KAZN: variants seen among roughly 807,000 people sequenced by gnomAD.
The protein encoded by KAZN is kazrin, periplakin interacting protein, also known as kazrin.
KAZN carries 40 observed loss-of-function variants against 87.4 expected under a neutral mutation model. That is an observed-to-expected ratio of 0.46 (90% CI 0.36 to 0.60). The LOEUF is 0.60. Ranked by LOEUF, KAZN falls within the 20% of genes least tolerant of loss-of-function variation. The pLI is 0.00. For synonymous variants in KAZN, 466 were observed against 458.3 expected (o/e 1.02, Z -0.22); for missense variants, 898 against 1,073.9 (o/e 0.84, Z 2.29).
intron 1 of KAZN, among the ~76,000 whole-genome samples, chr1:14,867,155 TG>T (rs1326480011): frequency 1.3e-5 from 2 of 152,202 alleles, no homozygotes; most frequent in Non-Finnish European, 2.9e-5. Flanking sequence ...GCCCTCCCTG[TG>T]CAGGGGAGCA....
At chr1:15,085,134 T>C (rs1640187111) in intron 8 of KAZN, among the ~76,000 whole-genome samples, 1 of 151,700 alleles carries the variant, frequency 6.6e-6, no homozygotes, top group Admixed American at 6.6e-5. Flanking sequence ...ATTTTAAAAA[T>C]GGAAAAAAAG....
At chr1:14,883,289 C>G (rs1653539962) in intron 1 of KAZN, among the ~76,000 whole-genome samples, 1 of 129,738 alleles carries the variant, frequency 7.7e-6, no homozygotes, top group African/African-American at 2.8e-5. Flanking sequence ...AAGCGAAACT[C>G]CATCTCAAAA....
In KAZN at chr1:14,769,516, G is replaced by A. The variant is rs929787078; in HGVS notation, c.226+170293G>A. Among the ~76,000 whole-genome samples, 2 of 152,140 alleles carry A rather than the reference G, an allele frequency of 1.3e-5. No individual in the cohort carries two copies. The highest frequency in any genetic ancestry group is 1.9e-4 in the East Asian group (1 of 5,154). On this transcript the variant is annotated intron_variant, in intron 1 of 14. Coordinates refer to ENST00000376030, the MANE Select transcript of KAZN (RefSeq NM_201628.3). The surrounding 1 kb of genome is among the most constrained non-coding windows in gnomAD (Gnocchi z 4.1). ...ATTACAGGCGCCCACCACCACGCCC[G>A]GCTAATTTTGTATTTTTAGTAGAGA...
intron 1 of KAZN, among the ~76,000 whole-genome samples, chr1:13,983,277 A>G (rs1347160795): frequency 6.6e-6 from 1 of 152,208 alleles, no homozygotes; most frequent in Non-Finnish European, 1.5e-5. Context: ...AGGCTCAGGC[A>G]TGGCGGGCTG....
At chr1:14,187,895 G>A (rs915033832) in intron 2 of KAZN, among the ~76,000 whole-genome samples, 14 of 152,026 alleles carry the variant, frequency 9.2e-5, no homozygotes, top group Non-Finnish European at 1.3e-4. Flanking sequence ...ATACATCTTC[G>A]TTATCCATTC....
intron 1 of KAZN, among the ~76,000 whole-genome samples, chr1:13,924,788 T>C (rs900594475): frequency 3.9e-5 from 6 of 152,186 alleles, no homozygotes; most frequent in African/African-American, 7.2e-5. Flanking sequence ...TTCCCCAAAA[T>C]GTATAAAACG....
chr1:15,112,340 T>C, intron 13 of KAZN, 87 bp from the exon 14 acceptor site: 1 of 162,348 alleles, frequency 6.2e-6, no homozygotes, highest in Admixed American at 6.9e-5. Context: ...TGTGTGTGTG[T>C]GTGTGTGTGT....
chr1:14,144,094 T>C (rs1645296113), intron 1 of KAZN, among the ~76,000 whole-genome samples: 3 of 152,192 alleles, frequency 2.0e-5, no homozygotes, highest in South Asian at 2.1e-4. Flanking sequence ...CCAGATTTAT[T>C]TGAGCACATC....
chr1:14,434,001 G>A (rs545811996), intron 2 of KAZN, among the ~76,000 whole-genome samples: 100 of 152,358 alleles, frequency 6.6e-4, no homozygotes, highest in African/African-American at 2.1e-3. Flanking sequence ...GAACCTGGCC[G>A]TGCTGGCACC....
intron 2 of KAZN, among the ~76,000 whole-genome samples, chr1:14,586,044 G>C (rs1014446578): frequency 8.5e-5 from 13 of 152,246 alleles, no homozygotes; most frequent in African/African-American, 3.1e-4. Flanking sequence ...TTGGAAGGGA[G>C]AGGGGGAGAT....
intron 1 of KAZN, among the ~76,000 whole-genome samples, chr1:14,060,541 G>A (rs534230130): frequency 8.7e-4 from 133 of 152,236 alleles, no homozygotes; most frequent in African/African-American, 3.1e-3. Context: ...AGGGTTTGTA[G>A]AGAGGGAACA....
intron 2 of KAZN, among the ~76,000 whole-genome samples, chr1:14,251,883 A>G (rs1333629395): frequency 6.6e-6 from 1 of 151,828 alleles, no homozygotes; most frequent in Non-Finnish European, 1.5e-5. Flanking sequence ...TCCTGAGCTC[A>G]AGTGATCCAC....
intron 4 of KAZN, among the ~76,000 whole-genome samples, chr1:15,052,972 C>T (rs1403001264): frequency 6.6e-6 from 1 of 152,252 alleles, no homozygotes; most frequent in East Asian, 1.9e-4. Flanking sequence ...CTCACTCCTT[C>T]CCGTGCTCCC....
At chr1:14,340,098 A>ATCACAGAC (rs2308043) in intron 2 of KAZN, among the ~76,000 whole-genome samples, 60,009 of 151,996 alleles carry the variant, frequency 0.39, 13,163 homozygotes, top group African/African-American at 0.59. Context: ...AGCTTATAAA[A>ATCACAGAC]TCGGGGAACA....
chr1:13,978,662 G>T (rs1638501499), intron 1 of KAZN, among the ~76,000 whole-genome samples: 2 of 151,982 alleles, frequency 1.3e-5, no homozygotes, highest in Admixed American at 6.6e-5. Flanking sequence ...GAGAGAAAAA[G>T]ATAAATTTTA....
In KAZN at chr1:14,420,409, G is replaced by C. The variant is rs561064373; in HGVS notation, c.250-178574G>C. ...TCTCCAAGTACCCACCCGACTCAGG[G>C]GCCCAGCTGGCTTCACCTAGTGGAT... On this transcript the variant is annotated intron_variant, in intron 2 of 16. Transcript: ENST00000636203. Among the ~76,000 whole-genome samples, 35 of 152,306 alleles carry C rather than the reference G, an allele frequency of 2.3e-4. No individual in the cohort carries two copies. The South Asian group carries it at 7.0e-3, about 31-fold the overall frequency.
intron 1 of KAZN, among the ~76,000 whole-genome samples, chr1:14,006,712 A>G (rs1187857505): frequency 6.6e-6 from 1 of 152,156 alleles, no homozygotes; most frequent in African/African-American, 2.4e-5. Context: ...TTATGCCAGT[A>G]CCATCCTGTT....
intron 1 of KAZN, among the ~76,000 whole-genome samples, chr1:14,812,955 G>A (rs534420663): frequency 3.3e-5 from 5 of 152,304 alleles, no homozygotes; most frequent in African/African-American, 9.6e-5. Context: ...TTCTGGGCCT[G>A]TTTCTGAAGA....
chr1:14,547,445 C>A (rs553314191), intron 2 of KAZN, among the ~76,000 whole-genome samples: 7 of 152,290 alleles, frequency 4.6e-5, no homozygotes, highest in African/African-American at 1.7e-4. Flanking sequence ...AGTTTCTCCA[C>A]CTATTCAATG....
Sources: gnomAD v4.1 joint callset for allele counts (sites outside exome capture counted in the v4.1 genomes callset) on GRCh38, gnomAD v4.1.1 for gene constraint, Gnocchi (gnomAD v3.1) non-coding constraint, MANE v1.5 for transcripts, NCBI Gene and HGNC (gene_info 2026-07-23, HGNC 2026-07-21) for gene names.